The following ANAPC4 variants were observed in gnomAD, a reference collection of about 807,000 sequenced individuals.
The protein encoded by ANAPC4 is anaphase promoting complex subunit 4, also known as anaphase-promoting complex subunit 4.
Under a neutral mutation model 119.8 loss-of-function variants are expected in ANAPC4, and 63 were observed. The ratio of observed to expected loss-of-function variants is 0.53; its 90% CI spans 0.43 to 0.65. ANAPC4 has a LOEUF of 0.65. Among genes scored for constraint, ANAPC4 ranks in the 30% least tolerant of loss-of-function variants. The probability of loss-of-function intolerance (pLI) is 0.00; values close to 1 mark genes in which losing one functional copy is unlikely to be tolerated. For synonymous variants in ANAPC4, 283 were observed against 318.6 expected (o/e 0.89, Z 1.19); for missense variants, 716 against 945.1 (o/e 0.76, Z 3.18).
chr4:25,417,367 C>T, intron 27 of ANAPC4: 1 of 253,544 alleles, frequency 3.9e-6, no homozygotes, highest in Non-Finnish European at 7.4e-6. Context: ...GCAATCCTCC[C>T]ACCTTGGCCT....
intron 21 of ANAPC4, among the ~76,000 whole-genome samples, chr4:25,411,548 G>C (rs952948544): frequency 2.0e-5 from 3 of 152,204 alleles, no homozygotes; most frequent in Non-Finnish European, 4.4e-5. Context: ...TCAGTATTGT[G>C]TGGTGGGTAA....
At chr4:25,387,815 T>C (rs963576487) in intron 4 of ANAPC4, among the ~76,000 whole-genome samples, 19 of 152,134 alleles carry the variant, frequency 1.2e-4, no homozygotes, top group African/African-American at 4.3e-4. Context: ...AATCCACAAG[T>C]GTGTATAAGT....
intron 16 of ANAPC4, among the ~76,000 whole-genome samples, chr4:25,402,669 A>G (rs533179683): frequency 1.2e-3 from 184 of 152,334 alleles, no homozygotes; most frequent in Admixed American, 5.4e-3. Context: ...GCAAAGTTAG[A>G]AAAGGAGTTC....
At chr4:25,394,938 T>C (rs1270868666) in intron 14 of ANAPC4, 33 bp downstream of exon 14, 1 of 1,516,828 alleles carries the variant, frequency 6.6e-7, no homozygotes. Flanking sequence ...TTTGGTATTG[T>C]ATCCACACAT....
chr4:25,386,462 G>A (rs747817683), intron 4 of ANAPC4, among the ~76,000 whole-genome samples: 24 of 152,076 alleles, frequency 1.6e-4, no homozygotes, highest in Middle Eastern at 6.8e-3. Flanking sequence ...TGCCCTCCTC[G>A]GCCTCCCAAA....
intron 19 of ANAPC4, 95 bp from the exon 20 acceptor site, chr4:25,407,102 A>G (rs28616687): frequency 0.47 from 505,667 of 1,077,284 alleles, 126,007 homozygotes; most frequent in Non-Finnish European, 0.51. Context: ...ACTGCCACTC[A>G]CAGCTCTCTT....
At chr4:25,380,559 A>T (rs767285581) in intron 3 of ANAPC4, 80 bp downstream of exon 3, 1 of 1,084,162 alleles carries the variant, frequency 9.2e-7, no homozygotes, top group Non-Finnish European at 1.3e-6. Flanking sequence ...GAAAGGATTT[A>T]TTGTTCTTAG....
chr4:25,412,492 T>TA (rs1195739517), intron 21 of ANAPC4, among the ~76,000 whole-genome samples: 1 of 151,916 alleles, frequency 6.6e-6, no homozygotes, highest in African/African-American at 2.4e-5. Context: ...GTTGCCTCAT[T>TA]AAAACAAAAG....
At chr4:25,381,236 G>T (rs1465777724) in intron 3 of ANAPC4, among the ~76,000 whole-genome samples, 1 of 152,012 alleles carries the variant, frequency 6.6e-6, no homozygotes, top group African/African-American at 2.4e-5. Flanking sequence ...AAATTTTATT[G>T]GTGCTTTAAG....
intron 2 of ANAPC4, among the ~76,000 whole-genome samples, chr4:25,378,366 TGCAGACTGTA>T (rs1721525069): frequency 6.6e-6 from 1 of 152,248 alleles, no homozygotes; most frequent in African/African-American, 2.4e-5. Flanking sequence ...CTTAGCACCC[TGCAGACTGTA>T]GTCTGCACCA....
At chr4:25,400,942 G>A (rs1463244716) in intron 16 of ANAPC4, among the ~76,000 whole-genome samples, 1 of 152,048 alleles carries the variant, frequency 6.6e-6, no homozygotes, top group Non-Finnish European at 1.5e-5. Flanking sequence ...CAGCCTCTGG[G>A]GTGTGAACTT....
At chr4:25,400,973 G>A (rs901186320) in intron 16 of ANAPC4, among the ~76,000 whole-genome samples, 8 of 152,044 alleles carry the variant, frequency 5.3e-5, no homozygotes, top group South Asian at 2.1e-4. Context: ...GTCTAAGGTC[G>A]GGTTGGAGGA....
chr4:25,402,485 T>TA (rs1469561470), intron 16 of ANAPC4, among the ~76,000 whole-genome samples: 5 of 150,336 alleles, frequency 3.3e-5, no homozygotes, highest in Non-Finnish European at 7.4e-5. Flanking sequence ...ATTGTTAGGA[T>TA]AAAAAATCAG....
intron 21 of ANAPC4, among the ~76,000 whole-genome samples, chr4:25,410,217 C>T (rs1363968135): frequency 3.9e-5 from 6 of 152,092 alleles, no homozygotes; most frequent in Non-Finnish European, 8.8e-5. Flanking sequence ...TTATACCTTT[C>T]ATTTTCTAGA....
intron 22 of ANAPC4, chr4:25,413,945 G>A (rs1289441935): frequency 7.6e-6 from 4 of 528,426 alleles, no homozygotes; most frequent in South Asian, 6.1e-5. Context: ...GTGTGTGTGT[G>A]TGTGTGTATA....
chr4:25,383,763 T>G (rs981098071), intron 4 of ANAPC4, among the ~76,000 whole-genome samples: 5 of 152,250 alleles, frequency 3.3e-5, no homozygotes, highest in African/African-American at 9.6e-5. Context: ...TGTAACTTAA[T>G]TAAAATATAC....
At chr4:25,386,155 C>A (rs558770363) in intron 4 of ANAPC4, among the ~76,000 whole-genome samples, 7 of 152,068 alleles carry the variant, frequency 4.6e-5, no homozygotes, top group Non-Finnish European at 8.8e-5. Context: ...TCAGGTAACC[C>A]GCCCGCTTCG....
At chr4:25,390,625 C>T (rs1722296251) in intron 8 of ANAPC4, among the ~76,000 whole-genome samples, 1 of 152,222 alleles carries the variant, frequency 6.6e-6, no homozygotes, top group South Asian at 2.1e-4. Flanking sequence ...CAGACTCTTA[C>T]ACTCGCAAAA....
At position 25,394,685 on chromosome 4, in the gene ANAPC4, C is replaced by A; in HGVS notation, c.956C>A (p.Thr319Asn). Residue 319 changes from threonine to asparagine, a missense_variant, in exon 13 of 29, where the codon ACT becomes AAT. By Grantham distance (65) the Thr-to-Asn change is moderately conservative. Coordinates refer to ENST00000315368, the MANE Select transcript of ANAPC4 (RefSeq NM_013367.3). ...LWGKASAELQ[T>N]LLMNQLTVKG... ...TTTCATTGTAGTGCTGAACTTCAGACTCTCTTGATGAATCAGTTAACAGTA... is the reference window on the plus strand; with the variant it reads ...TTTCATTGTAGTGCTGAACTTCAGAATCTCTTGATGAATCAGTTAACAGTA... 2 of 1,599,872 alleles carry A rather than the reference C, an allele frequency of 1.3e-6. No homozygotes were observed. Among genetic ancestry groups the A allele is most frequent in the Non-Finnish European group, 8.5e-7 (1 of 1,175,946 alleles).
Sources: gnomAD v4.1 joint callset for allele counts (sites outside exome capture counted in the v4.1 genomes callset) on GRCh38, gnomAD v4.1.1 for gene constraint, MANE v1.5 for transcripts, NCBI Gene and HGNC (gene_info 2026-07-23, HGNC 2026-07-21) for gene names.